Variants in KLHL32 observed in about 807,000 individuals in gnomAD.
KLHL32 encodes the protein kelch like family member 32.
In KLHL32, 35 loss-of-function variants were observed where a neutral mutation model predicts 64.8. The observed-to-expected ratio is 0.54, with a 90% CI of 0.41 to 0.72. The LOEUF (loss-of-function observed/expected upper bound fraction) is 0.72. Ranked by LOEUF, KLHL32 falls within the 30% of genes least tolerant of loss-of-function variation. The pLI, the probability that KLHL32 is intolerant of heterozygous loss-of-function variation, is 0.00. For synonymous variants in KLHL32, 259 were observed against 281.0 expected (o/e 0.92, Z 0.78); for missense variants, 589 against 768.5 (o/e 0.77, Z 2.76).
chr6:97,106,421 A>G (rs927371846), intron 6 of KLHL32, among the ~76,000 whole-genome samples: 1 of 152,156 alleles, frequency 6.6e-6, no homozygotes, highest in African/African-American at 2.4e-5. Context: ...AAATTTAGTT[A>G]ACAAGAAATA....
In KLHL32 at chr6:97,139,502, A is replaced by G; in HGVS notation, c.*220A>G. ...CAATATGTATGACTTTTATTGTGGT[A>G]TAGCTTAGTGCCAATTTAAGGTATA... On this transcript the variant is annotated 3_prime_UTR_variant, in exon 11 of 11. Coordinates refer to ENST00000369261, the MANE Select transcript of KLHL32 (RefSeq NM_052904.4). The G allele has an allele frequency of 2.0e-6, 1 of 501,534 alleles. No individual in the cohort carries two copies. Among genetic ancestry groups the G allele is most frequent in the Non-Finnish European group, 3.5e-6 (1 of 283,166 alleles). The allele number at this position is 501,534 out of a possible 1,614,324, so 31.1% of individuals were successfully genotyped here.
chr6:97,073,761 C>A (rs1211388412), intron 5 of KLHL32, among the ~76,000 whole-genome samples: 2 of 152,174 alleles, frequency 1.3e-5, no homozygotes, highest in Non-Finnish European at 2.9e-5. Context: ...TTTTTCCTTA[C>A]TGGGAGAATG....
chr6:97,129,584 T>C (rs1049730874), intron 8 of KLHL32, among the ~76,000 whole-genome samples: 5 of 152,122 alleles, frequency 3.3e-5, no homozygotes, highest in Non-Finnish European at 7.3e-5. Flanking sequence ...AAAGTTATCA[T>C]ATAAAAAAGT....
At chr6:96,899,101 C>T in the KLHL32 span, among the ~76,000 whole-genome samples, 2 of 152,116 alleles carry the variant, frequency 1.3e-5, no homozygotes, top group Non-Finnish European at 2.9e-5. Context: ...AGAGCAAAAG[C>T]ACTGCAAGGA....
At chr6:97,136,503 T>C (rs1028711608) in intron 10 of KLHL32, among the ~76,000 whole-genome samples, 1 of 152,280 alleles carries the variant, frequency 6.6e-6, no homozygotes, top group East Asian at 1.9e-4. Flanking sequence ...AGTGAAGGTG[T>C]TCTTGTTTAT....
chr6:96,924,359 G>A (rs1318379088), upstream of KLHL32, among the ~76,000 whole-genome samples: 2 of 151,970 alleles, frequency 1.3e-5, no homozygotes, highest in Non-Finnish European at 2.9e-5. Context: ...TACAGACTGC[G>A]CATGTGACCC....
At chr6:97,014,259 C>T (rs561875246) in intron 3 of KLHL32, among the ~76,000 whole-genome samples, 1 of 150,412 alleles carries the variant, frequency 6.6e-6, no homozygotes, top group African/African-American at 2.4e-5. Context: ...CGCGCCACTG[C>T]ACTCCAACCT....
intron 4 of KLHL32, among the ~76,000 whole-genome samples, chr6:97,055,507 TC>T (rs1213126438): frequency 6.6e-6 from 1 of 152,088 alleles, no homozygotes; most frequent in African/African-American, 2.4e-5. Context: ...CCTTTAAGAA[TC>T]CTTTTCTTGC....
chr6:97,036,034 T>C (rs1186440492), intron 3 of KLHL32, among the ~76,000 whole-genome samples: 1 of 152,154 alleles, frequency 6.6e-6, no homozygotes, highest in Admixed American at 6.5e-5. Context: ...TTCTTTTTTC[T>C]TTTTTGTCCT....
chr6:97,124,857 A>G (rs1798717171), intron 7 of KLHL32, among the ~76,000 whole-genome samples: 1 of 152,176 alleles, frequency 6.6e-6, no homozygotes. Flanking sequence ...CTGAGAAAGA[A>G]TTATTGAACA....
At chr6:96,996,094 G>C (rs1348378347) in intron 3 of KLHL32, among the ~76,000 whole-genome samples, 1 of 152,176 alleles carries the variant, frequency 6.6e-6, no homozygotes, top group Non-Finnish European at 1.5e-5. Context: ...AAGTTACAGG[G>C]CCCAGCGTGG....
At chr6:97,018,555 CACA>C (rs1014347114) in intron 3 of KLHL32, among the ~76,000 whole-genome samples, 1 of 147,880 alleles carries the variant, frequency 6.8e-6, no homozygotes, top group African/African-American at 2.5e-5. Context: ...GAGCCGAGAT[CACA>C]CCACTGTGCT....
intron 3 of KLHL32, chr6:96,994,695 T>C (rs1361710343): frequency 1.3e-5 from 12 of 902,764 alleles, no homozygotes; most frequent in Non-Finnish European, 1.5e-5. Flanking sequence ...CCTGTGATCA[T>C]CACCATTTTA....
chr6:97,009,853 T>C (rs935182216), intron 3 of KLHL32, among the ~76,000 whole-genome samples: 2 of 152,134 alleles, frequency 1.3e-5, no homozygotes, highest in African/African-American at 4.8e-5. Flanking sequence ...GATTATATGT[T>C]TTTGAGACAC....
At chr6:96,959,499 C>T (rs143710235) in intron 1 of KLHL32, among the ~76,000 whole-genome samples, 20 of 152,314 alleles carry the variant, frequency 1.3e-4, no homozygotes, top group East Asian at 3.9e-4. Flanking sequence ...TGTGTCCTCA[C>T]GCGGTCTTTC....
intron 4 of KLHL32, among the ~76,000 whole-genome samples, chr6:97,057,333 G>T (rs550437572): frequency 7.9e-6 from 1 of 126,754 alleles, no homozygotes; most frequent in African/African-American, 3.6e-5. Flanking sequence ...ACAGGCACGC[G>T]CCACCATGCC....
At position 97,041,604 on chromosome 6, in the gene KLHL32, G is replaced by A; in HGVS notation, c.312+5G>A. 1 of 1,543,576 alleles carries A rather than the reference G, an allele frequency of 6.5e-7. No homozygotes were observed. Among genetic ancestry groups the A allele is most frequent in the Non-Finnish European group, 9.0e-7 (1 of 1,116,122 alleles). ...GAGTTTGCATACACAGGACAGGTAT[G>A]GTATTAAATGTGATCTGTAAAGTTT... On this transcript the variant is annotated splice_donor_5th_base_variant and intron_variant, in intron 4 of 10. Transcript: ENST00000369261.
chr6:97,121,203 A>C (rs1056605924), intron 7 of KLHL32, among the ~76,000 whole-genome samples: 19 of 152,364 alleles, frequency 1.2e-4, no homozygotes, highest in African/African-American at 4.6e-4. Flanking sequence ...TGACAGAGTT[A>C]GAATTTGAAC....
intron 6 of KLHL32, among the ~76,000 whole-genome samples, chr6:97,098,411 C>T (rs931046009): frequency 6.6e-6 from 1 of 151,838 alleles, no homozygotes; most frequent in African/African-American, 2.4e-5. Context: ...ATATTTTTAC[C>T]TAGCCTGGGA....
Sources: gnomAD v4.1 joint callset for allele counts (sites outside exome capture counted in the v4.1 genomes callset) on GRCh38, gnomAD v4.1.1 for gene constraint, MANE v1.5 for transcripts, NCBI Gene and HGNC (gene_info 2026-07-23, HGNC 2026-07-21) for gene names.